The following NLGN1 variants were observed in gnomAD, a reference collection of about 807,000 sequenced individuals.
NLGN1 encodes the protein neuroligin 1.
A neutral mutation model predicts 65.5 loss-of-function variants in NLGN1; 12 were observed. The ratio of observed to expected loss-of-function variants is 0.18; its 90% CI spans 0.12 to 0.30. NLGN1 has a LOEUF of 0.30. NLGN1 is among the 10% of genes least tolerant of loss of function. The pLI is 1.00. For missense variants in NLGN1, 750 were observed against 1,007.1 expected (o/e 0.74, Z 3.46); for synonymous variants, 350 against 359.5 (o/e 0.97, Z 0.30).
chr3:173,497,217 C>G (rs1051668503), intron 2 of NLGN1, among the ~76,000 whole-genome samples: 3 of 151,698 alleles, frequency 2.0e-5, no homozygotes, highest in Admixed American at 2.0e-4. Context: ...AACTCCATCT[C>G]TACTAAAAAT....
chr3:174,101,875 A>G (rs748849897), intron 4 of NLGN1, among the ~76,000 whole-genome samples: 3 of 152,196 alleles, frequency 2.0e-5, no homozygotes, highest in Non-Finnish European at 4.4e-5. Flanking sequence ...CCCCAAAAGG[A>G]CAAAGAAAAC....
intron 4 of NLGN1, among the ~76,000 whole-genome samples, chr3:173,888,687 C>G (rs1292053511): frequency 6.6e-6 from 1 of 151,996 alleles, no homozygotes; most frequent in Non-Finnish European, 1.5e-5. Context: ...ATTTGATGTC[C>G]CAAAACTTCT....
chr3:173,897,484 A>G (rs548481565), intron 4 of NLGN1, among the ~76,000 whole-genome samples: 1 of 152,332 alleles, frequency 6.6e-6, no homozygotes, highest in African/African-American at 2.4e-5. Context: ...TTGAGATCCA[A>G]ATATGAATAG....
intron 4 of NLGN1, among the ~76,000 whole-genome samples, chr3:173,859,796 G>C (rs1463029391): frequency 6.6e-6 from 1 of 151,756 alleles, no homozygotes; most frequent in Admixed American, 6.6e-5. Flanking sequence ...TTTTTTTCAA[G>C]ATGTTTTCTT....
chr3:173,707,559 A>G (rs1266852295), intron 3 of NLGN1, among the ~76,000 whole-genome samples: 1 of 152,120 alleles, frequency 6.6e-6, no homozygotes, highest in Non-Finnish European at 1.5e-5. Flanking sequence ...TAGAAAGTAA[A>G]TAAGAAGACT....
At chr3:174,168,374 T>C (rs1727918613) in intron 4 of NLGN1, among the ~76,000 whole-genome samples, 3 of 152,164 alleles carry the variant, frequency 2.0e-5, no homozygotes, top group South Asian at 4.1e-4. Flanking sequence ...TCTATGCAAG[T>C]AGGATTTTCT....
intron 4 of NLGN1, among the ~76,000 whole-genome samples, chr3:174,072,416 C>T (rs959434050): frequency 1.3e-5 from 2 of 152,054 alleles, no homozygotes; most frequent in Non-Finnish European, 2.9e-5. Context: ...TGAGGATGAA[C>T]AGTGTGTGCT....
chr3:173,822,473 A>G (rs1396327505), intron 4 of NLGN1, among the ~76,000 whole-genome samples: 1 of 152,194 alleles, frequency 6.6e-6, no homozygotes, highest in Non-Finnish European at 1.5e-5. Context: ...CCAAAAATCT[A>G]ATATCTGAAA....
intron 4 of NLGN1, among the ~76,000 whole-genome samples, chr3:174,081,944 G>A (rs1029010415): frequency 3.3e-5 from 5 of 152,060 alleles, no homozygotes; most frequent in African/African-American, 9.7e-5. Flanking sequence ...TTATTTAATC[G>A]AATTTGGGGA....
chr3:174,082,217 C>T (rs1742384105), intron 4 of NLGN1, among the ~76,000 whole-genome samples: 1 of 152,090 alleles, frequency 6.6e-6, no homozygotes, highest in East Asian at 1.9e-4. Flanking sequence ...TGAGGCAAAC[C>T]ACACATTTAT....
At chr3:174,061,087 A>T (rs1278981180) in intron 4 of NLGN1, among the ~76,000 whole-genome samples, 2 of 152,022 alleles carry the variant, frequency 1.3e-5, no homozygotes, top group Non-Finnish European at 2.9e-5. Flanking sequence ...GTGTTTGAAA[A>T]GTTTTCACTT....
At chr3:173,627,238 C>T (rs1754962838) in intron 3 of NLGN1, among the ~76,000 whole-genome samples, 1 of 152,102 alleles carries the variant, frequency 6.6e-6, no homozygotes, top group Admixed American at 6.6e-5. Flanking sequence ...TGGAAACCAC[C>T]ATTTGACTCT....
chr3:174,136,341 G>C (rs1233120536), intron 4 of NLGN1: 2 of 152,046 alleles, frequency 1.3e-5, no homozygotes, highest in Non-Finnish European at 1.5e-5. Flanking sequence ...ACTTCAGCCT[G>C]TTTCCATGAC....
intron 4 of NLGN1, among the ~76,000 whole-genome samples, chr3:174,103,081 A>T (rs1288589449): frequency 6.6e-6 from 1 of 152,176 alleles, no homozygotes; most frequent in Non-Finnish European, 1.5e-5. Flanking sequence ...AGGAACTGTA[A>T]ATCTTTTTCT....
chr3:173,803,632 A>G (rs1393313260), intron 3 of NLGN1, among the ~76,000 whole-genome samples: 1 of 150,764 alleles, frequency 6.6e-6, no homozygotes, highest in Non-Finnish European at 1.5e-5. Flanking sequence ...ATGCAATTTT[A>G]TATACTATAT....
chr3:173,675,558 TCACTCAAAA>T (rs1415152982), intron 3 of NLGN1, among the ~76,000 whole-genome samples: 2 of 152,126 alleles, frequency 1.3e-5, no homozygotes, highest in Non-Finnish European at 2.9e-5. Flanking sequence ...AGATAGCACT[TCACTCAAAA>T]ATTTTAGCCA....
intron 4 of NLGN1, among the ~76,000 whole-genome samples, chr3:174,000,058 T>C (rs1722986721): frequency 6.6e-6 from 1 of 152,122 alleles, no homozygotes; most frequent in Non-Finnish European, 1.5e-5. Flanking sequence ...CTTAAACATT[T>C]TATTATTTTG....
chr3:173,770,070 G>T (rs925402423), intron 3 of NLGN1, among the ~76,000 whole-genome samples: 1 of 152,126 alleles, frequency 6.6e-6, no homozygotes, highest in African/African-American at 2.4e-5. Flanking sequence ...TAGAGCTCTG[G>T]AAAATGTCCT....
chr3:173,535,683 C>A (rs1288445219), intron 2 of NLGN1, among the ~76,000 whole-genome samples: 2 of 152,098 alleles, frequency 1.3e-5, no homozygotes, highest in Non-Finnish European at 2.9e-5. Flanking sequence ...ATGAACAAGA[C>A]CCACTTTTAA....
Sources: allele counts gnomAD v4.1 joint callset (sites outside exome capture counted in the v4.1 genomes callset), GRCh38; gene constraint gnomAD v4.1.1; transcripts MANE v1.5; gene names NCBI Gene and HGNC (gene_info 2026-07-23, HGNC 2026-07-21).